The following CACNA1D variants were observed in gnomAD, a reference collection of about 807,000 sequenced individuals.
The protein encoded by CACNA1D is calcium voltage-gated channel subunit alpha1 D.
In CACNA1D, 55 loss-of-function variants were observed where a neutral mutation model predicts 257.1. The observed-to-expected ratio is 0.21, with a 90% CI of 0.17 to 0.27. CACNA1D has a LOEUF of 0.27. Ranked by LOEUF, CACNA1D falls within the 10% of genes least tolerant of loss-of-function variation. The probability of loss-of-function intolerance (pLI) is 1.00; values close to 1 mark genes in which losing one functional copy is unlikely to be tolerated. For synonymous variants in CACNA1D, 980 were observed against 1,014.9 expected (o/e 0.97, Z 0.65); for missense variants, 1,876 against 2,784.0 (o/e 0.67, Z 7.34).
At chr3:53,743,330 C>G (rs1269871111) in intron 22 of CACNA1D, among the ~76,000 whole-genome samples, 1 of 152,094 alleles carries the variant, frequency 6.6e-6, no homozygotes, top group Non-Finnish European at 1.5e-5. Context: ...CTAAGTTGAG[C>G]TTATTACTGT....
At chr3:53,659,982 T>A in intron 4 of CACNA1D, 151 bp from the exon 5 acceptor site, 125 of 623,410 alleles carry the variant, frequency 2.0e-4, no homozygotes, top group Middle Eastern at 3.0e-4. Flanking sequence ...TGTATTCCAA[T>A]TCCACAGCCC....
intron 4 of CACNA1D, 31 bp downstream of exon 4, chr3:53,650,949 A>G (rs1559468808): frequency 6.6e-7 from 1 of 1,524,124 alleles, no homozygotes; most frequent in Non-Finnish European, 9.1e-7. Context: ...GGAAATGTTG[A>G]TTTGGAAAAT....
chr3:53,712,901 G>A (rs2094775119), intron 9 of CACNA1D, among the ~76,000 whole-genome samples: 1 of 152,218 alleles, frequency 6.6e-6, no homozygotes, highest in African/African-American at 2.4e-5. Context: ...AGGGCTCTGG[G>A]CTCAGTTTGA....
rs554139524 is a variant in CACNA1D, at chr3:53,720,830, GT to G, written c.1505+1052del. The stretch of plus-strand genomic sequence containing the variant: ...AAATGACACAGCCGTTAAAAAAATA[GT>G]TTGGTAGTTCCTCATAAAGTTTAAA... On this transcript the variant is annotated intron_variant, in intron 11 of 47. Transcript: ENST00000350061. 1.6e-3 allele frequency among the ~76,000 whole-genome samples: 238 copies of G among 152,322 alleles called. 2 individuals are homozygous for G. The highest frequency in any genetic ancestry group is 2.6e-3 in the Non-Finnish European group (178 of 68,028).
At position 53,683,699 on chromosome 3, in the gene CACNA1D, T is replaced by C. The variant is rs994632379; in HGVS notation, c.1220+10573T>C. 2.1e-5 allele frequency among the ~76,000 whole-genome samples: 3 copies of C among 145,616 alleles called. No homozygotes were observed. In the Admixed American group the frequency reaches 2.1e-4, roughly 10 times the overall value. On this transcript the variant is annotated intron_variant, in intron 8 of 47. Coordinates refer to ENST00000350061, the MANE Select transcript of CACNA1D (RefSeq NM_001128840.3). ...GGAAAAGATGGACATAATAAAAGAA[T>C]AGGTAAATCTCAGTAGGTAAATAGA...
rs765353117 is a variant in CACNA1D at position 53,702,804 on chromosome 3, C to T, written c.1384C>T (p.Arg462Ter). ...GGAAGAAGGAGGAGAGGAAGGCAAA[C>T]GAAATAGTATGTAGCGCCTTTCCTG... is the stretch of plus-strand genomic sequence containing the variant. Reference protein sequence around the residue: ...NEEEGGEEGKRNTSMPTSETE... With the variant: ...NEEEGGEEGK The change falls in exon 9 of 48, where the codon CGA (arginine) becomes TGA (stop). Residue 462 changes from arginine to a stop codon, truncating the protein, a stop_gained. Coordinates refer to ENST00000350061, the MANE Select transcript of CACNA1D (RefSeq NM_001128840.3). LOFTEE classifies it high-confidence loss of function. 1 of 1,614,134 alleles carries T rather than the reference C, an allele frequency of 6.2e-7. No homozygotes were observed. The highest frequency in any genetic ancestry group is 8.5e-7 in the Non-Finnish European group (1 of 1,180,026).
chr3:53,790,596 A>G (rs1465358339), intron 40 of CACNA1D, among the ~76,000 whole-genome samples: 5 of 152,222 alleles, frequency 3.3e-5, no homozygotes, highest in African/African-American at 1.2e-4. Context: ...ATAAAGAATT[A>G]GGTTGTTAGG....
intron 3 of CACNA1D, among the ~76,000 whole-genome samples, chr3:53,561,623 C>T (rs1047914495): frequency 6.6e-6 from 1 of 152,198 alleles, no homozygotes; most frequent in Admixed American, 6.5e-5. Flanking sequence ...AGAGTAAACA[C>T]ACTACTTCCT....
At chr3:53,714,609 G>C (rs2094799226) in intron 9 of CACNA1D, among the ~76,000 whole-genome samples, 1 of 152,226 alleles carries the variant, frequency 6.6e-6, no homozygotes, top group Admixed American at 6.5e-5. Flanking sequence ...AGCACTGGTA[G>C]ATAATAGACT....
rs531564964 is a variant in CACNA1D, at chr3:53,641,882, A to G, written c.484-8897A>G. On this transcript the variant is annotated intron_variant, in intron 3 of 47. Transcript: ENST00000350061. Reference sequence around the variant, plus strand: ...ACCTGTGGGTCAGAGGGAGTCATCAAAGATGTTGTCTCTTGAGAAATGAGG... The same window carrying G: ...ACCTGTGGGTCAGAGGGAGTCATCAGAGATGTTGTCTCTTGAGAAATGAGG... 2.6e-5 allele frequency among the ~76,000 whole-genome samples: 4 copies of G among 152,312 alleles called. No individual in the cohort carries two copies. The East Asian group carries it at 7.7e-4, about 29-fold the overall frequency.
At chr3:53,704,053 G>A (rs904190849) in intron 9 of CACNA1D, among the ~76,000 whole-genome samples, 1 of 152,190 alleles carries the variant, frequency 6.6e-6, no homozygotes, top group African/African-American at 2.4e-5. Context: ...CAAAGGCCAG[G>A]TTTCAGGGAG....
At chr3:53,696,078 C>G (rs1446048028) in intron 8 of CACNA1D, among the ~76,000 whole-genome samples, 1 of 152,184 alleles carries the variant, frequency 6.6e-6, no homozygotes, top group Non-Finnish European at 1.5e-5. Flanking sequence ...ATCCTCCTGC[C>G]TCAGCCTCCT....
intron 44 of CACNA1D, among the ~76,000 whole-genome samples, 183 bp from the exon 45 acceptor site, chr3:53,804,800 G>C (rs2095553840): frequency 6.6e-6 from 1 of 152,196 alleles, no homozygotes; most frequent in Non-Finnish European, 1.5e-5. Flanking sequence ...CAGGCCTCCA[G>C]TCCTGTAATG....
chr3:53,810,297 C>T lies in CACNA1D; in HGVS notation c.6191C>T (p.Ala2064Val). 6.2e-7 allele frequency: 1 copy of T among 1,613,484 alleles called. No homozygotes were observed. Among genetic ancestry groups the T allele is most frequent in the Non-Finnish European group, 8.5e-7 (1 of 1,179,958 alleles). The change falls in exon 47 of 48, where the codon GCA becomes GTA. Residue 2064 changes from alanine (A) to valine (V), a missense_variant and splice_region_variant. Physicochemically the swap from Ala to Val is moderately conservative, Grantham distance 64. Around this residue, in one of 10 missense-constraint regions of CACNA1D, gnomAD observed 491 missense variants for 554.3 expected, o/e 0.89. Transcript: ENST00000350061. ...KQRSADSLVE[A>V]VLISEGLGRY... ...AGGAGTGCGGACAGCTTGGTGGAGGCAGTGAGTACGGTTCTTGGCCGTGGT... is the reference window on the plus strand; with the variant it reads ...AGGAGTGCGGACAGCTTGGTGGAGGTAGTGAGTACGGTTCTTGGCCGTGGT...
chr3:53,708,026 T>G (rs1384284910), intron 9 of CACNA1D, among the ~76,000 whole-genome samples: 1 of 152,208 alleles, frequency 6.6e-6, no homozygotes, highest in Non-Finnish European at 1.5e-5. Flanking sequence ...CTATGGGCAC[T>G]GCCCCTGCCT....
In CACNA1D at chr3:53,743,068, T is replaced by A; in HGVS notation, c.2869T>A (p.Leu957Met). 6.8e-6 allele frequency: 11 copies of A among 1,614,112 alleles called. No homozygotes were observed. Among genetic ancestry groups the A allele is most frequent in the Non-Finnish European group, 8.5e-6 (10 of 1,179,950 alleles). ...KGAFCRNYFN[L>M]LDMLVVGVSL... ...GGCCTTCTGCAGGAACTACTTCAAT[T>A]TGCTGGATATGCTGGTGGTTGGGGT... The change falls in exon 22 of 48, where the codon TTG becomes ATG. Residue 957 changes from leucine (L) to methionine (M), a missense_variant. Coordinates refer to ENST00000350061, the MANE Select transcript of CACNA1D (RefSeq NM_001128840.3).
rs112591278 is a variant in CACNA1D, at chr3:53,590,607, T to G, written c.484-60172T>G. On this transcript the variant is annotated intron_variant, in intron 3 of 47. Coordinates refer to ENST00000350061, the MANE Select transcript of CACNA1D (RefSeq NM_001128840.3). ...CCTAGTTTTTGGTTCACAAAACAAC[T>G]GTGGTCATCACAGTTCTAATTCCTG... Among the ~76,000 whole-genome samples, 468 of 152,358 alleles carry G rather than the reference T, an allele frequency of 3.1e-3. 4 individuals carry two copies. Among genetic ancestry groups the G allele is most frequent in the African/African-American group, 0.011 (443 of 41,584 alleles).
intron 8 of CACNA1D, among the ~76,000 whole-genome samples, chr3:53,696,446 C>T (rs533743764): frequency 6.6e-6 from 1 of 152,348 alleles, no homozygotes; most frequent in East Asian, 1.9e-4. Flanking sequence ...CAGCCCCTGC[C>T]TCCCCATAGT....
chr3:53,628,893 G>A (rs577195669), intron 3 of CACNA1D, among the ~76,000 whole-genome samples: 1 of 152,342 alleles, frequency 6.6e-6, no homozygotes, highest in Admixed American at 6.5e-5. Flanking sequence ...ATTCATCTTA[G>A]AAGAAGGAAC....
Sources: gnomAD v4.1 joint callset for allele counts (sites outside exome capture counted in the v4.1 genomes callset) on GRCh38, gnomAD v4.1.1 for gene constraint, gnomAD v4.1.1 regional missense constraint, MANE v1.5 for transcripts, NCBI Gene and HGNC (gene_info 2026-07-23, HGNC 2026-07-21) for gene names.